SUFU: variants seen among roughly 807,000 people sequenced by gnomAD.
SUFU encodes the protein suppressor of fused homolog.
In SUFU, 7 loss-of-function variants were observed where a neutral mutation model predicts 58.9. The ratio of observed to expected loss-of-function variants is 0.12; its 90% CI spans 0.07 to 0.22. SUFU has a LOEUF of 0.22. Ranked by LOEUF, SUFU falls within the 10% of genes least tolerant of loss-of-function variation. SUFU has a pLI of 1.00. For synonymous variants in SUFU, 232 were observed against 254.8 expected, an observed-to-expected ratio of 0.91 and a Z score of 0.85; for missense variants, 451 against 641.3, an observed-to-expected ratio of 0.70 and a Z score of 3.20.
chr10:102,558,913 A>T (rs2063007922), intron 3 of SUFU, among the ~76,000 whole-genome samples: 1 of 152,238 alleles, frequency 6.6e-6, no homozygotes, highest in African/African-American at 2.4e-5. Context: ...CACCCTGACC[A>T]GAGTGGCCTA....
At chr10:102,546,324 T>C (rs1424196323) in intron 2 of SUFU, among the ~76,000 whole-genome samples, 1 of 152,164 alleles carries the variant, frequency 6.6e-6, no homozygotes, top group Non-Finnish European at 1.5e-5. Context: ...TAGAACCCCT[T>C]ACCCCCACTC....
At chr10:102,511,192 C>A (rs1222193888) in intron 2 of SUFU, among the ~76,000 whole-genome samples, 2 of 148,152 alleles carry the variant, frequency 1.3e-5, no homozygotes, top group African/African-American at 5.0e-5. Flanking sequence ...TATTTATATT[C>A]TTTTGATGGA....
intron 1 of SUFU, among the ~76,000 whole-genome samples, chr10:102,508,311 G>C (rs1303804339): frequency 1.3e-5 from 2 of 152,108 alleles, no homozygotes; most frequent in Non-Finnish European, 2.9e-5. Context: ...GATTACTAAA[G>C]GGAACTCTTA....
chr10:102,567,526 A>G (rs965400257), intron 3 of SUFU, among the ~76,000 whole-genome samples: 1 of 152,132 alleles, frequency 6.6e-6, no homozygotes, highest in Non-Finnish European at 1.5e-5. Context: ...GGACTCAAGG[A>G]CCAAGAGAAC....
At chr10:102,602,284 A>C (rs2063521197) in intron 8 of SUFU, among the ~76,000 whole-genome samples, 2 of 152,248 alleles carry the variant, frequency 1.3e-5, no homozygotes, top group African/African-American at 4.8e-5. Flanking sequence ...TCTATCAGCC[A>C]TTAAAATGGA....
intron 2 of SUFU, among the ~76,000 whole-genome samples, chr10:102,512,056 A>C (rs2062406424): frequency 6.6e-6 from 1 of 152,162 alleles, no homozygotes; most frequent in Non-Finnish European, 1.5e-5. Context: ...ACCTCTCTGA[A>C]CACAGGCCTA....
intron 2 of SUFU, among the ~76,000 whole-genome samples, chr10:102,514,515 A>G (rs2062441704): frequency 6.6e-6 from 1 of 152,232 alleles, no homozygotes; most frequent in Admixed American, 6.5e-5. Context: ...AGATGGAACA[A>G]GTTCCAGGTC....
chr10:102,527,297 C>G (rs566262567), intron 2 of SUFU, among the ~76,000 whole-genome samples: 2 of 151,922 alleles, frequency 1.3e-5, no homozygotes, highest in African/African-American at 4.8e-5. Flanking sequence ...CCACCGCGCC[C>G]GGCCGACATT....
chr10:102,630,161 G>T lies in SUFU; in HGVS notation c.*6G>T, dbSNP rs375366321. 14 of 1,613,666 alleles carry T rather than the reference G, an allele frequency of 8.7e-6. No individual in the cohort carries two copies. The African/African-American group carries it at 1.9e-4, about 22-fold the overall frequency. ...TCGACAGTCCGCTACACTAGCCTGG[G>T]CTGGGCCCTGCAGTGGCCAGCAGGG... On this transcript the variant is annotated 3_prime_UTR_variant, in exon 12 of 12. Transcript: ENST00000369902.
At chr10:102,535,787 CCTTGGGCCT>C (rs2062731392) in intron 2 of SUFU, among the ~76,000 whole-genome samples, 1 of 152,164 alleles carries the variant, frequency 6.6e-6, no homozygotes, top group Admixed American at 6.5e-5. Flanking sequence ...AGGGGCCTGA[CCTTGGGCCT>C]CTCTTGCCAT....
chr10:102,604,643 A>G (rs1407097886), intron 8 of SUFU, among the ~76,000 whole-genome samples: 1 of 152,192 alleles, frequency 6.6e-6, no homozygotes, highest in Non-Finnish European at 1.5e-5. Context: ...GAGCTAGAGA[A>G]AGGAAATGAC....
At chr10:102,515,283 A>C (rs928095497) in intron 2 of SUFU, among the ~76,000 whole-genome samples, 2 of 139,056 alleles carry the variant, frequency 1.4e-5, no homozygotes, top group Non-Finnish European at 3.1e-5. Context: ...AGAAATGCTA[A>C]TTTTTCCTCC....
intron 3 of SUFU, among the ~76,000 whole-genome samples, chr10:102,584,069 C>T (rs2063312063): frequency 6.6e-6 from 1 of 152,202 alleles, no homozygotes; most frequent in Admixed American, 6.5e-5. Flanking sequence ...AGTATCTGTA[C>T]TGTATTCCAG....
chr10:102,613,416 C>T (rs1329885191), intron 8 of SUFU, among the ~76,000 whole-genome samples: 1 of 152,188 alleles, frequency 6.6e-6, no homozygotes, highest in Non-Finnish European at 1.5e-5. Flanking sequence ...CTCAGGGGCA[C>T]GTCTAACCCA....
intron 2 of SUFU, among the ~76,000 whole-genome samples, chr10:102,539,054 C>T (rs923284213): frequency 1.6e-4 from 25 of 152,174 alleles, no homozygotes; most frequent in Admixed American, 1.3e-4. Flanking sequence ...GACCAACTGT[C>T]CCCATTTGCC....
At chr10:102,548,405 A>G (rs1285065969) in intron 2 of SUFU, among the ~76,000 whole-genome samples, 2 of 152,060 alleles carry the variant, frequency 1.3e-5, no homozygotes, top group African/African-American at 2.4e-5. Flanking sequence ...TCTCGGGGTG[A>G]TGATGATCAT....
At chr10:102,573,425 G>A (rs1416441146) in intron 3 of SUFU, among the ~76,000 whole-genome samples, 4 of 152,216 alleles carry the variant, frequency 2.6e-5, no homozygotes, top group African/African-American at 4.8e-5. Context: ...AAATGGTCTG[G>A]TGCTTCTTCA....
chr10:102,533,107 T>A (rs1024791856), intron 2 of SUFU, among the ~76,000 whole-genome samples: 17 of 151,946 alleles, frequency 1.1e-4, no homozygotes, highest in African/African-American at 4.1e-4. Context: ...CAGCTGCACA[T>A]GGGGAGAGGG....
intron 2 of SUFU, among the ~76,000 whole-genome samples, chr10:102,512,489 G>A (rs1447044670): frequency 1.3e-5 from 2 of 152,228 alleles, no homozygotes; most frequent in African/African-American, 4.8e-5. Flanking sequence ...ATGTGATTGA[G>A]CAAGCCTCAT....
Sources: allele counts gnomAD v4.1 joint callset (sites outside exome capture counted in the v4.1 genomes callset), GRCh38; gene constraint gnomAD v4.1.1; transcripts MANE v1.5; gene names NCBI Gene and HGNC (gene_info 2026-07-23, HGNC 2026-07-21).